APBB2: variants seen among roughly 807,000 people sequenced by gnomAD.
APBB2 encodes the protein Fe65-like 1.
Under a neutral mutation model 82.5 loss-of-function variants are expected in APBB2, and 38 were observed. The observed-to-expected ratio is 0.46, with a 90% CI of 0.36 to 0.60. APBB2 has a LOEUF of 0.60. Among genes scored for constraint, APBB2 ranks in the 20% least tolerant of loss-of-function variants. The pLI is 0.00. For synonymous variants in APBB2, 341 were observed against 368.2 expected (o/e 0.93, Z 0.85); for missense variants, 772 against 972.3 (o/e 0.79, Z 2.74).
intron 2 of APBB2, among the ~76,000 whole-genome samples, chr4:41,110,092 AC>A (rs1481120515): frequency 6.6e-6 from 1 of 150,606 alleles, no homozygotes; most frequent in Non-Finnish European, 1.5e-5. Context: ...CCCAGAGACC[AC>A]CTTTCTTTCT....
At position 40,832,730 on chromosome 4, in the gene APBB2, G is replaced by C. The variant is rs940341031; in HGVS notation, c.1530-2153C>G. Among the ~76,000 whole-genome samples, 13 of 152,128 alleles carry C rather than the reference G, an allele frequency of 8.5e-5. No individual in the cohort carries two copies. Among genetic ancestry groups the C allele is most frequent in the African/African-American group, 3.1e-4 (13 of 41,428 alleles). On this transcript the variant is annotated intron_variant, in intron 12 of 17. Transcript: ENST00000508593. The surrounding 1 kb of genome is among the most constrained non-coding windows in gnomAD (Gnocchi z 4.8). The stretch of plus-strand genomic sequence containing the variant: ...TTCCTCGCACACACAGTACATACAC[G>C]GGGGCACAGCAAGTGTCTGAGTGTG...
intron 12 of APBB2, among the ~76,000 whole-genome samples, chr4:40,841,105 A>G (rs570208616): frequency 4.6e-5 from 7 of 152,256 alleles, no homozygotes; most frequent in African/African-American, 1.7e-4. Flanking sequence ...CGCCCACTCT[A>G]TGCTGTCTCT....
At chr4:40,879,624 G>A (rs1767865111) in intron 12 of APBB2, among the ~76,000 whole-genome samples, 1 of 151,872 alleles carries the variant, frequency 6.6e-6, no homozygotes, top group Non-Finnish European at 1.5e-5. Context: ...ATAATACTAA[G>A]CTCTCATGTT....
intron 1 of APBB2, among the ~76,000 whole-genome samples, chr4:41,157,482 G>A (rs1356105326): frequency 6.6e-6 from 1 of 152,106 alleles, no homozygotes; most frequent in Non-Finnish European, 1.5e-5. Context: ...AATCCCAAAC[G>A]CTCTACCGAT....
At chr4:40,829,629 A>T (rs1751176295) in intron 13 of APBB2, among the ~76,000 whole-genome samples, 1 of 152,020 alleles carries the variant, frequency 6.6e-6, no homozygotes. Flanking sequence ...CTGCTTGGTA[A>T]TAGAACCTCC....
chr4:41,070,471 G>C (rs772429442), intron 3 of APBB2, among the ~76,000 whole-genome samples: 1 of 151,868 alleles, frequency 6.6e-6, no homozygotes, highest in Admixed American at 6.6e-5. Context: ...CACCACACCC[G>C]ACTAATTTTT....
intron 3 of APBB2, among the ~76,000 whole-genome samples, chr4:41,085,998 A>C (rs1739516279): frequency 6.6e-6 from 1 of 152,208 alleles, no homozygotes; most frequent in African/African-American, 2.4e-5. Context: ...GAAGTGAAAA[A>C]GGGGACATTA....
chr4:41,142,916 T>C (rs1759660568), intron 2 of APBB2, 71 bp downstream of exon 2: 1 of 152,244 alleles, frequency 6.6e-6, no homozygotes, highest in Non-Finnish European at 1.5e-5. Flanking sequence ...AAAATGAGCC[T>C]GGAAGGAACA....
intron 5 of APBB2, among the ~76,000 whole-genome samples, chr4:41,028,270 A>G (rs1197110121): frequency 1.3e-5 from 2 of 152,252 alleles, no homozygotes; most frequent in East Asian, 1.9e-4. Flanking sequence ...GATTAGGCCC[A>G]TGTGTTTCAG....
At chr4:40,837,849 C>T (rs1337248335) in intron 12 of APBB2, among the ~76,000 whole-genome samples, 1 of 152,170 alleles carries the variant, frequency 6.6e-6, no homozygotes, top group East Asian at 1.9e-4. Context: ...AATCAAGTAC[C>T]TGTTGCCACC....
chr4:40,989,983 G>T (rs929813185), intron 6 of APBB2, among the ~76,000 whole-genome samples: 25 of 152,212 alleles, frequency 1.6e-4, no homozygotes, highest in African/African-American at 5.5e-4. Flanking sequence ...AACTTATAGA[G>T]AGGAGCCTTT....
In APBB2 at chr4:41,134,487, A is replaced by G. The variant is rs148886405; in HGVS notation, c.-261+8500T>C. On this transcript the variant is annotated intron_variant, in intron 2 of 17. Coordinates refer to ENST00000508593, the MANE Select transcript of APBB2 (RefSeq NM_004307.2). The stretch of plus-strand genomic sequence containing the variant: ...TAGTCCCAGCCCCCAGCCCCCCACA[A>G]ATAAAGAAAATATATAAAGAGAGTT... Among the ~76,000 whole-genome samples the G allele has an allele frequency of 4.7e-3, 717 of 152,212 alleles. 4 individuals are homozygous for G. Among genetic ancestry groups the G allele is most frequent in the African/African-American group, 0.016 (684 of 41,544 alleles).
At chr4:41,038,637 C>T (rs1416265270) in intron 4 of APBB2, among the ~76,000 whole-genome samples, 1 of 152,172 alleles carries the variant, frequency 6.6e-6, no homozygotes, top group African/African-American at 2.4e-5. Flanking sequence ...TAGAATCTCT[C>T]ATTTATCCTC....
chr4:41,006,243 C>T (rs767464463), intron 6 of APBB2, among the ~76,000 whole-genome samples: 3 of 152,148 alleles, frequency 2.0e-5, no homozygotes, highest in Non-Finnish European at 4.4e-5. Context: ...AAATCTTACT[C>T]GGAAAACACA....
chr4:41,076,884 G>C (rs2153918258), intron 3 of APBB2, among the ~76,000 whole-genome samples: 1 of 151,948 alleles, frequency 6.6e-6, no homozygotes, highest in East Asian at 1.9e-4. Context: ...GTGAGAACAA[G>C]AAAAAGCTCC....
intron 6 of APBB2, among the ~76,000 whole-genome samples, chr4:40,995,083 C>G (rs952926267): frequency 6.6e-6 from 1 of 152,040 alleles, no homozygotes; most frequent in African/African-American, 2.4e-5. Flanking sequence ...TCAGACTATC[C>G]CAGCCTGAGA....
intron 2 of APBB2, among the ~76,000 whole-genome samples, chr4:41,105,667 A>T (rs12233763): frequency 6.6e-6 from 1 of 152,068 alleles, no homozygotes; most frequent in African/African-American, 2.4e-5. Context: ...GGCAGATCAC[A>T]AGGTCAGGAG....
chr4:41,046,011 G>T (rs538591118), intron 4 of APBB2, among the ~76,000 whole-genome samples: 2 of 151,908 alleles, frequency 1.3e-5, no homozygotes, highest in African/African-American at 2.4e-5. Flanking sequence ...CAGAGACAAA[G>T]ATTTTTAATT....
At chr4:41,176,183 C>T (rs1411280867) in intron 1 of APBB2, among the ~76,000 whole-genome samples, 2 of 151,990 alleles carry the variant, frequency 1.3e-5, no homozygotes, top group Non-Finnish European at 2.9e-5. Context: ...TGAAATATAA[C>T]CAGTTGGTAA....
Sources: gnomAD v4.1 joint callset for allele counts (sites outside exome capture counted in the v4.1 genomes callset) on GRCh38, gnomAD v4.1.1 for gene constraint, Gnocchi (gnomAD v3.1) non-coding constraint, MANE v1.5 for transcripts, NCBI Gene and HGNC (gene_info 2026-07-23, HGNC 2026-07-21) for gene names.